The following CFAP54 variants were observed in gnomAD, a reference collection of about 807,000 sequenced individuals.
The protein encoded by CFAP54 is cilia and flagella associated protein 54.
Under a neutral mutation model 370.4 loss-of-function variants are expected in CFAP54, and 290 were observed. That is an observed-to-expected ratio of 0.78 (90% confidence interval 0.71 to 0.86). CFAP54 has a LOEUF of 0.86. CFAP54 is among the 40% of genes least tolerant of loss of function. The pLI is 0.00. For synonymous variants in CFAP54, 1,206 were observed against 1,236.5 expected, an observed-to-expected ratio of 0.98 and a Z score of 0.52; for missense variants, 3,399 against 3,528.7, an observed-to-expected ratio of 0.96 and a Z score of 0.93.
intron 6 of CFAP54, among the ~76,000 whole-genome samples, chr12:96,521,503 C>CGTGTGTGTGTGTGTGT (rs10554608): frequency 7.7e-6 from 1 of 129,580 alleles, no homozygotes; most frequent in South Asian, 2.6e-4. Context: ...CAACTGAGGA[C>CGTGTGTGTGTGTGTGT]GTGTGTGTGT....
chr12:96,736,781 A>G (rs74874721), intron 50 of CFAP54, among the ~76,000 whole-genome samples: 7 of 152,240 alleles, frequency 4.6e-5, no homozygotes, highest in African/African-American at 1.4e-4. Flanking sequence ...GATGAAAGGT[A>G]CAGTCAACAG....
chr12:96,608,312 C>CAT (rs1956321721), intron 26 of CFAP54, among the ~76,000 whole-genome samples: 1 of 39,470 alleles, frequency 2.5e-5, no homozygotes, highest in Non-Finnish European at 5.0e-5. Flanking sequence ...TATATATACA[C>CAT]ACACACACAC....
chr12:96,718,302 T>A, intron 48 of CFAP54, 141 bp from the exon 49 acceptor site: 1 of 544,702 alleles, frequency 1.8e-6, no homozygotes, highest in Non-Finnish European at 3.4e-6. Context: ...AAGGTTGCAG[T>A]GAGCTGAGAT....
Position 96,704,726 on chromosome 12 carries a change from AT to A in CFAP54, c.6475-13del, listed in dbSNP as rs1237487133. ...AAGTAATCTTGTTCTTGCTGTTACTATTTTGTATTTTGACAGATCTTTCAAT... is the reference window on the plus strand; with the variant it reads ...AAGTAATCTTGTTCTTGCTGTTACTATTTGTATTTTGACAGATCTTTCAAT... On this transcript the variant is annotated splice_polypyrimidine_tract_variant and intron_variant, in intron 46 of 67. Coordinates refer to ENST00000524981, the MANE Select transcript of CFAP54 (RefSeq NM_001306084.2). 2.5e-6 allele frequency: 3 copies of A among 1,183,460 alleles called. No individual in the cohort carries two copies. Among genetic ancestry groups the A allele is most frequent in the Non-Finnish European group, 1.2e-6 (1 of 853,440 alleles). 73.3% of individuals were successfully genotyped at this position (1,183,460 alleles called of 1,614,324 possible). A position where few individuals can be genotyped will look rare whatever the true frequency, so the allele number is the denominator to read the frequency against.
chr12:96,872,218 A>G (rs1052535342), intron 67 of CFAP54, among the ~76,000 whole-genome samples: 6 of 152,216 alleles, frequency 3.9e-5, no homozygotes, highest in Non-Finnish European at 5.9e-5. Context: ...GAAGAGGGCA[A>G]TAAGAGTAAA....
chr12:96,835,290 C>T (rs1029509744), intron 66 of CFAP54, among the ~76,000 whole-genome samples: 2 of 152,098 alleles, frequency 1.3e-5, no homozygotes, highest in Non-Finnish European at 2.9e-5. Context: ...CTCCTCTCTG[C>T]ACCTGGTTGT....
chr12:96,646,717 G>C (rs1321720796), intron 33 of CFAP54: 2 of 152,220 alleles, frequency 1.3e-5, no homozygotes, highest in Non-Finnish European at 2.9e-5. Flanking sequence ...GTCCAACAAT[G>C]ATAGACTGGA....
At chr12:96,580,825 G>A (rs1003078521) in intron 21 of CFAP54, 95 bp from the exon 22 acceptor site, 5 of 1,152,148 alleles carry the variant, frequency 4.3e-6, no homozygotes, top group Non-Finnish European at 5.7e-6. Flanking sequence ...GAAAGAAAAA[G>A]GTTTTTTTTT....
chr12:96,738,646 C>T lies in CFAP54; in HGVS notation c.6966-1310C>T, dbSNP rs560141138. Among the ~76,000 whole-genome samples the T allele has an allele frequency of 5.3e-3, 770 of 144,886 alleles. 7 individuals carry two copies. The highest frequency in any genetic ancestry group is 0.019 in the African/African-American group (728 of 38,796). On this transcript the variant is annotated intron_variant, in intron 50 of 67. Transcript: ENST00000524981. ...TTTTTTTTTGAAACGGGGTCTCACT[C>T]TGTCGCCGGGCTGGAGTTCAATGGA... is the stretch of plus-strand genomic sequence containing the variant.
chr12:96,735,828 G>C (rs1957974176), intron 50 of CFAP54, among the ~76,000 whole-genome samples: 1 of 152,160 alleles, frequency 6.6e-6, no homozygotes, highest in South Asian at 2.1e-4. Flanking sequence ...TAATGGAGAA[G>C]TGTGTTTTGG....
At chr12:96,654,714 C>T (rs1173314571) in intron 36 of CFAP54, among the ~76,000 whole-genome samples, 1 of 152,118 alleles carries the variant, frequency 6.6e-6, no homozygotes, top group Non-Finnish European at 1.5e-5. Context: ...CGCTACCCTT[C>T]CCAGTCTTTG....
chr12:96,646,424 C>T (rs1434462996), intron 33 of CFAP54: 14 of 152,076 alleles, frequency 9.2e-5, no homozygotes, highest in East Asian at 3.8e-4. Flanking sequence ...GTTAGAATGG[C>T]GATCATTAAA....
In CFAP54 at chr12:96,743,609, AG is replaced by A. The variant is rs1958077185; in HGVS notation, c.7377+51del. The A allele has an allele frequency of 2.5e-6, 4 of 1,608,370 alleles. No homozygotes were observed. The East Asian group carries it at 8.9e-5, about 36-fold the overall frequency. ...TTATAGTCAGGGAGGGATTCCAGTT[AG>A]AACAAAAGGAGAGAATTTCAAATTC... is the stretch of plus-strand genomic sequence containing the variant. On this transcript the variant is annotated intron_variant, in intron 53 of 67. Coordinates refer to ENST00000524981, the MANE Select transcript of CFAP54 (RefSeq NM_001306084.2).
At chr12:96,520,434 C>A (rs548883393) in intron 6 of CFAP54, among the ~76,000 whole-genome samples, 1 of 152,190 alleles carries the variant, frequency 6.6e-6, no homozygotes, top group African/African-American at 2.4e-5. Flanking sequence ...GTCCCAGCTA[C>A]TCGGGAGGCT....
At position 96,744,112 on chromosome 12, in the gene CFAP54, T is replaced by A. The variant is rs772395234; in HGVS notation, c.7650T>A (p.His2550Gln). The stretch of plus-strand genomic sequence containing the variant: ...CTTTGAAAAATATCTATCTTCCCCA[T>A]GTCATGTTATTGGCCAAAATAAAAA... ...LQPLKNIYLP[H>Q]VMLLAKIKMR... is the part of the protein sequence containing the mutation. Residue 2550 changes from histidine (H) to glutamine (Q), a missense_variant, in exon 55 of 68, where the codon CAT becomes CAA. Coordinates refer to ENST00000524981, the MANE Select transcript of CFAP54 (RefSeq NM_001306084.2). 3 of 1,609,968 alleles carry A rather than the reference T, an allele frequency of 1.9e-6. No homozygotes were observed. Among genetic ancestry groups the A allele is most frequent in the South Asian group, 2.2e-5 (2 of 90,670 alleles).
chr12:96,549,268 T>G (rs1955670969), intron 15 of CFAP54, among the ~76,000 whole-genome samples: 1 of 152,172 alleles, frequency 6.6e-6, no homozygotes, highest in Admixed American at 6.5e-5. Context: ...AGGTACAAAG[T>G]GCTAGATTTT....
At chr12:96,701,117 A>G (rs1285595568) in intron 46 of CFAP54, among the ~76,000 whole-genome samples, 1 of 152,136 alleles carries the variant, frequency 6.6e-6, no homozygotes, top group African/African-American at 2.4e-5. Flanking sequence ...TTGTTAGGCA[A>G]TTGGATACAT....
Position 96,744,072 on chromosome 12 carries a change from C to T in CFAP54, c.7610C>T (p.Ala2537Val), listed in dbSNP as rs1958084409. The T allele has an allele frequency of 6.2e-7, 1 of 1,610,238 alleles. No homozygotes were observed. Among genetic ancestry groups the T allele is most frequent in the Non-Finnish European group, 8.5e-7 (1 of 1,177,620 alleles). ...IEFRSSNTKY[A>V]NPLQPLKNIY... ...TTTCGTTCATCAAACACTAAATATG[C>T]AAATCCATTACAGCCTTTGAAAAAT... The change falls in exon 55 of 68, where the codon GCA (alanine) becomes GTA (valine). Residue 2537 changes from alanine (A) to valine (V), a missense_variant. Around this residue, in one of 3 missense-constraint regions of CFAP54, gnomAD observed 2,796 missense variants for 2,869.7 expected, o/e 0.97. Coordinates refer to ENST00000524981, the MANE Select transcript of CFAP54 (RefSeq NM_001306084.2).
intron 63 of CFAP54, among the ~76,000 whole-genome samples, chr12:96,794,178 T>C (rs1013787791): frequency 2.0e-5 from 3 of 152,172 alleles, no homozygotes; most frequent in Admixed American, 6.5e-5. Flanking sequence ...GATTCTTTCC[T>C]TCATCTTAAC....
Sources: allele counts gnomAD v4.1 joint callset (sites outside exome capture counted in the v4.1 genomes callset), GRCh38; gene constraint gnomAD v4.1.1; regional missense constraint gnomAD v4.1.1; transcripts MANE v1.5; gene names NCBI Gene and HGNC (gene_info 2026-07-23, HGNC 2026-07-21).